CDK8: variants seen among roughly 807,000 people sequenced by gnomAD.
CDK8 encodes the protein cyclin dependent kinase 8.
In CDK8, 29 loss-of-function variants were observed where a neutral mutation model predicts 71.5. That is an observed-to-expected ratio of 0.41 (90% CI 0.30 to 0.55). The LOEUF is 0.55. Ranked by LOEUF, CDK8 falls within the 20% of genes least tolerant of loss-of-function variation. The pLI is 0.37. For synonymous variants in CDK8, 161 were observed against 192.1 expected, an observed-to-expected ratio of 0.84 and a Z score of 1.34; for missense variants, 288 against 572.6, an observed-to-expected ratio of 0.50 and a Z score of 5.07.
chr13:26,297,012 G>C (rs1332982211), intron 1 of CDK8, among the ~76,000 whole-genome samples: 1 of 152,174 alleles, frequency 6.6e-6, no homozygotes, highest in African/African-American at 2.4e-5. Flanking sequence ...AGATCCGTTA[G>C]TAATGTTTCA....
intron 1 of CDK8, among the ~76,000 whole-genome samples, chr13:26,292,052 G>A (rs1593243498): frequency 6.6e-6 from 1 of 152,240 alleles, no homozygotes; most frequent in African/African-American, 2.4e-5. Context: ...CATACATTAT[G>A]TTCATAGAAT....
chr13:26,375,112 T>C (rs1874883686), intron 4 of CDK8, among the ~76,000 whole-genome samples: 1 of 152,134 alleles, frequency 6.6e-6, no homozygotes, highest in Non-Finnish European at 1.5e-5. Context: ...TAATACTAAA[T>C]GAGAAGGATG....
At chr13:26,265,960 A>G (rs536753578) in intron 1 of CDK8, among the ~76,000 whole-genome samples, 12 of 152,318 alleles carry the variant, frequency 7.9e-5, no homozygotes, top group African/African-American at 2.6e-4. Flanking sequence ...ATAGTAATCC[A>G]GGTGAGAGAT....
chr13:26,337,564 C>A lies in CDK8; in HGVS notation c.129-3C>A. 1 of 1,370,242 alleles carries A rather than the reference C, an allele frequency of 7.3e-7. No individual in the cohort carries two copies. The highest frequency in any genetic ancestry group is 9.7e-7 in the Non-Finnish European group (1 of 1,030,510). The allele number at this position is 1,370,242 out of a possible 1,614,324, so 84.9% of individuals were successfully genotyped here. A position where few individuals can be genotyped will look rare whatever the true frequency, so the allele number is the denominator to read the frequency against. ...ATATATTAAAATAACTTTGTTTTTA[C>A]AGGAAGGATGATAAAGACTATGCTT... On this transcript the variant is annotated splice_polypyrimidine_tract_variant and splice_region_variant and intron_variant, in intron 1 of 12. Transcript: ENST00000381527.
chr13:26,282,678 A>G (rs1872806813), intron 1 of CDK8, among the ~76,000 whole-genome samples: 1 of 152,216 alleles, frequency 6.6e-6, no homozygotes, highest in Admixed American at 6.6e-5. Flanking sequence ...TATTCAGGCA[A>G]CAAATAGCAC....
At chr13:26,261,280 A>G (rs1189276838) in intron 1 of CDK8, among the ~76,000 whole-genome samples, 1 of 152,216 alleles carries the variant, frequency 6.6e-6, no homozygotes, top group East Asian at 1.9e-4. Flanking sequence ...AGCAGAAAAA[A>G]TGCTGAGAGC....
chr13:26,337,105 C>A (rs1873028493), intron 1 of CDK8, among the ~76,000 whole-genome samples: 1 of 152,032 alleles, frequency 6.6e-6, no homozygotes, highest in Non-Finnish European at 1.5e-5. Flanking sequence ...TGGAGATGAC[C>A]TAAATTATTT....
intron 4 of CDK8, among the ~76,000 whole-genome samples, chr13:26,375,317 C>T (rs17083956): frequency 2.6e-5 from 4 of 152,068 alleles, no homozygotes; most frequent in African/African-American, 9.7e-5. Context: ...AAACAAAACA[C>T]GAAAATCTCT....
intron 6 of CDK8, among the ~76,000 whole-genome samples, chr13:26,385,865 A>G (rs1454679847): frequency 1.3e-5 from 2 of 152,210 alleles, no homozygotes; most frequent in Non-Finnish European, 2.9e-5. Context: ...AAAGATATCA[A>G]AAATCTTTGT....
intron 1 of CDK8, among the ~76,000 whole-genome samples, chr13:26,276,258 G>A (rs1872560062): frequency 6.6e-6 from 1 of 152,176 alleles, no homozygotes; most frequent in South Asian, 2.1e-4. Context: ...GTGTTTCTGT[G>A]TTAGGTAAGT....
At chr13:26,283,483 C>A (rs1162426321) in intron 1 of CDK8, among the ~76,000 whole-genome samples, 2 of 152,208 alleles carry the variant, frequency 1.3e-5, no homozygotes, top group East Asian at 3.9e-4. Context: ...TGGCACGTGC[C>A]TGTAGTCCCA....
chr13:26,263,867 C>T (rs1279981220), intron 1 of CDK8, among the ~76,000 whole-genome samples: 2 of 152,030 alleles, frequency 1.3e-5, no homozygotes, highest in Non-Finnish European at 2.9e-5. Context: ...CTGCCTCAGC[C>T]TCCCGAGTAG....
chr13:26,383,848 A>T (rs1875347030), intron 5 of CDK8, among the ~76,000 whole-genome samples: 1 of 152,170 alleles, frequency 6.6e-6, no homozygotes, highest in Admixed American at 6.5e-5. Context: ...GTGCCTTAAC[A>T]TACTCCAAGT....
chr13:26,300,809 G>A (rs192808109), intron 1 of CDK8, among the ~76,000 whole-genome samples: 20 of 152,100 alleles, frequency 1.3e-4, no homozygotes, highest in Non-Finnish European at 1.8e-4. Context: ...TGATTATCCC[G>A]CTCTAAAAAG....
At chr13:26,282,670 T>C (rs1215334511) in intron 1 of CDK8, among the ~76,000 whole-genome samples, 3 of 152,142 alleles carry the variant, frequency 2.0e-5, no homozygotes, top group African/African-American at 7.2e-5. Context: ...CAAAAAGGTA[T>C]TCAGGCAACA....
At chr13:26,306,103 C>A (rs1174100123) in intron 1 of CDK8, among the ~76,000 whole-genome samples, 1 of 152,158 alleles carries the variant, frequency 6.6e-6, no homozygotes, top group Non-Finnish European at 1.5e-5. Context: ...CTACATTAGT[C>A]TGTTTTCAGT....
Position 26,337,838 on chromosome 13 carries a change from GGTAAA to G in CDK8, c.204+202_204+206del, listed in dbSNP as rs529254490. Among the ~76,000 whole-genome samples the G allele has an allele frequency of 4.6e-5, 7 of 151,846 alleles. No individual in the cohort carries two copies. The South Asian group carries it at 1.0e-3, about 23-fold the overall frequency. On this transcript the variant is annotated intron_variant, in intron 2 of 12. Coordinates refer to ENST00000381527, the MANE Select transcript of CDK8 (RefSeq NM_001260.3). ...CTGTCTATATAAACTCTTTATTTGGGGTAAAGTAAATTTCAGTTGTTTATATAAAT... is the reference window on the plus strand; with the variant it reads ...CTGTCTATATAAACTCTTTATTTGGGGTAAATTTCAGTTGTTTATATAAAT...
intron 4 of CDK8, among the ~76,000 whole-genome samples, chr13:26,377,564 A>C (rs147982996): frequency 1.3e-5 from 2 of 152,334 alleles, no homozygotes; most frequent in Admixed American, 1.3e-4. Context: ...AGAGGAAGGC[A>C]AGAAACAACT....
intron 1 of CDK8, among the ~76,000 whole-genome samples, chr13:26,337,173 G>A (rs1873031083): frequency 6.6e-6 from 1 of 151,940 alleles, no homozygotes; most frequent in South Asian, 2.1e-4. Context: ...TGTGTCTTAG[G>A]GACACATTCA....
Sources: allele counts gnomAD v4.1 joint callset (sites outside exome capture counted in the v4.1 genomes callset), GRCh38; gene constraint gnomAD v4.1.1; transcripts MANE v1.5; gene names NCBI Gene and HGNC (gene_info 2026-07-23, HGNC 2026-07-21).